NELL1: variants seen among roughly 807,000 people sequenced by gnomAD.
The protein encoded by NELL1 is protein kinase C-binding protein NELL1.
A neutral mutation model predicts 107.4 loss-of-function variants in NELL1; 76 were observed. That is an observed-to-expected ratio of 0.71 (90% confidence interval 0.59 to 0.86). NELL1 has a LOEUF of 0.86. Among genes scored for constraint, NELL1 ranks in the 40% least tolerant of loss-of-function variants. NELL1 has a pLI of 0.00. For synonymous variants in NELL1, 353 were observed against 341.2 expected (o/e 1.03, Z -0.38); for missense variants, 1,024 against 1,005.5 (o/e 1.02, Z -0.25).
chr11:20,943,248 A>C (rs544523790), intron 10 of NELL1, among the ~76,000 whole-genome samples: 75 of 152,242 alleles, frequency 4.9e-4, no homozygotes, highest in African/African-American at 1.8e-3. Flanking sequence ...ATTGACAATA[A>C]TTTTTAATAT....
intron 5 of NELL1, among the ~76,000 whole-genome samples, chr11:20,905,846 G>T (rs1849986286): frequency 1.3e-5 from 2 of 152,104 alleles, no homozygotes; most frequent in Admixed American, 1.3e-4. Context: ...AGATGGAGAA[G>T]ATAGAAAGTA....
intron 15 of NELL1, among the ~76,000 whole-genome samples, chr11:21,492,255 G>T (rs1278141610): frequency 6.6e-6 from 1 of 152,062 alleles, no homozygotes; most frequent in Non-Finnish European, 1.5e-5. Flanking sequence ...ACAGGTGCTG[G>T]AGAGGATGTG....
In NELL1 at chr11:20,669,667, C is replaced by T. The variant is rs2133839711; in HGVS notation, c.-57C>T. 1.4e-6 allele frequency: 2 copies of T among 1,473,018 alleles called. No individual in the cohort carries two copies. Among genetic ancestry groups the T allele is most frequent in the Non-Finnish European group, 9.5e-7 (1 of 1,053,140 alleles). 91.2% of individuals were successfully genotyped at this position (1,473,018 alleles called of 1,614,324 possible). The stretch of plus-strand genomic sequence containing the variant: ...AGCCAGGCGCGCCTCAGGATCCAGG[C>T]TCATTTGCTTCCACCTAGCTTCGGT... On this transcript the variant is annotated 5_prime_UTR_variant, in exon 1 of 20. Coordinates refer to ENST00000357134, the MANE Select transcript of NELL1 (RefSeq NM_006157.5). The surrounding 1 kb of genome is among the most constrained non-coding windows in gnomAD (Gnocchi z 4.4).
intron 12 of NELL1, among the ~76,000 whole-genome samples, chr11:21,104,925 T>G (rs1255110650): frequency 6.6e-6 from 1 of 152,194 alleles, no homozygotes; most frequent in Admixed American, 6.5e-5. Context: ...GAGAGCACTA[T>G]ATGTCTGTTC....
In NELL1 at chr11:20,712,830, A is replaced by G. The variant is rs540683535; in HGVS notation, c.184+34770A>G. ...TGCAACAAGTCCTGTGATATGATCC[A>G]TCTTCAGGTCTCCCAGCTGTGGATA... On this transcript the variant is annotated intron_variant, in intron 2 of 19. Coordinates refer to ENST00000357134, the MANE Select transcript of NELL1 (RefSeq NM_006157.5). Among the ~76,000 whole-genome samples the G allele has an allele frequency of 3.6e-4, 55 of 152,324 alleles. 1 individual carries two copies. Among genetic ancestry groups the G allele is most frequent in the Admixed American group, 3.2e-3 (49 of 15,306 alleles).
In NELL1 at chr11:20,678,166, C is replaced by A. The variant is rs148919022; in HGVS notation, c.184+106C>A. 3.4e-5 allele frequency: 44 copies of A among 1,311,298 alleles called. No homozygotes were observed. The East Asian group carries it at 1.0e-3, about 30-fold the overall frequency. The allele number at this position is 1,311,298 out of a possible 1,614,324, so 81.2% of individuals were successfully genotyped here. ...TGTCTGGAGATCGCCTTTGCTATTT[C>A]TCTTGTGTTGCTGTCTTGAGTGTTT... On this transcript the variant is annotated intron_variant, in intron 2 of 19. Transcript: ENST00000357134.
intron 12 of NELL1, among the ~76,000 whole-genome samples, chr11:21,069,945 A>G (rs911242296): frequency 6.6e-6 from 1 of 152,200 alleles, no homozygotes; most frequent in African/African-American, 2.4e-5. Context: ...TAAGTGCGCT[A>G]TAAATCCTTA....
chr11:21,351,650 G>A (rs750256214), intron 14 of NELL1, among the ~76,000 whole-genome samples: 11 of 152,074 alleles, frequency 7.2e-5, no homozygotes, highest in Non-Finnish European at 1.6e-4. Context: ...ACCTTCTGTG[G>A]ATCTCTGTAG....
intron 15 of NELL1, among the ~76,000 whole-genome samples, chr11:21,407,243 C>T (rs1269172177): frequency 6.6e-6 from 1 of 151,966 alleles, no homozygotes; most frequent in Non-Finnish European, 1.5e-5. Context: ...TGGTGAAACC[C>T]TGTCTCTACC....
At chr11:21,350,540 C>T (rs558845203) in intron 14 of NELL1, among the ~76,000 whole-genome samples, 1 of 152,280 alleles carries the variant, frequency 6.6e-6, no homozygotes, top group South Asian at 2.1e-4. Flanking sequence ...AAAAGGCCAA[C>T]ATTAGGTGAA....
intron 14 of NELL1, among the ~76,000 whole-genome samples, chr11:21,356,721 G>C (rs1448440813): frequency 6.6e-6 from 1 of 152,124 alleles, no homozygotes; most frequent in East Asian, 1.9e-4. Context: ...ACGATCTTTA[G>C]TGGTAATTAC....
chr11:21,054,516 A>G (rs1853570313), intron 12 of NELL1, among the ~76,000 whole-genome samples: 1 of 152,014 alleles, frequency 6.6e-6, no homozygotes, highest in Non-Finnish European at 1.5e-5. Context: ...CAGCTGATAA[A>G]CCTAATTTGT....
chr11:21,533,736 CAT>C (rs1177936412), intron 15 of NELL1, among the ~76,000 whole-genome samples: 2 of 152,202 alleles, frequency 1.3e-5, no homozygotes, highest in South Asian at 2.1e-4. Flanking sequence ...ATAATCAATC[CAT>C]AGTTTTAAAA....
At chr11:20,855,751 CTGTT>C (rs1299562104) in intron 4 of NELL1, among the ~76,000 whole-genome samples, 2 of 152,128 alleles carry the variant, frequency 1.3e-5, no homozygotes, top group Non-Finnish European at 2.9e-5. Flanking sequence ...TGGTGAAACT[CTGTT>C]TGAAAAAAAC....
intron 16 of NELL1, among the ~76,000 whole-genome samples, chr11:21,553,937 T>G (rs1856647751): frequency 6.6e-6 from 1 of 151,928 alleles, no homozygotes; most frequent in Admixed American, 6.6e-5. Context: ...ATACAGTGTG[T>G]ATAGCTGGGT....
At chr11:20,768,288 G>A (rs1027596863) in intron 2 of NELL1, among the ~76,000 whole-genome samples, 3 of 152,222 alleles carry the variant, frequency 2.0e-5, no homozygotes, top group African/African-American at 4.8e-5. Context: ...AATCCAGGCT[G>A]TTGTGCTCCG....
At chr11:20,709,242 C>A (rs572858626) in intron 2 of NELL1, among the ~76,000 whole-genome samples, 1 of 152,126 alleles carries the variant, frequency 6.6e-6, no homozygotes, top group African/African-American at 2.4e-5. Flanking sequence ...GATCCAGTTT[C>A]ATTATTCGAC....
chr11:21,527,117 ATCTC>A (rs1320127537), intron 15 of NELL1, among the ~76,000 whole-genome samples: 1 of 152,124 alleles, frequency 6.6e-6, no homozygotes, highest in Non-Finnish European at 1.5e-5. Flanking sequence ...ACCCTAAATC[ATCTC>A]TCTCAAGTTC....
At chr11:21,032,474 C>T (rs1852985972) in intron 12 of NELL1, among the ~76,000 whole-genome samples, 1 of 152,166 alleles carries the variant, frequency 6.6e-6, no homozygotes, top group African/African-American at 2.4e-5. Flanking sequence ...CTGCAACTTC[C>T]ACCTCCCGGG....
Sources: allele counts gnomAD v4.1 joint callset (sites outside exome capture counted in the v4.1 genomes callset), GRCh38; gene constraint gnomAD v4.1.1; non-coding constraint Gnocchi (gnomAD v3.1); transcripts MANE v1.5; gene names NCBI Gene and HGNC (gene_info 2026-07-23, HGNC 2026-07-21).